The following SORCS1 variants were observed in gnomAD, a reference collection of about 807,000 sequenced individuals.
SORCS1 encodes sortilin related VPS10 domain containing receptor 1, also known as VPS10 domain-containing receptor SorCS1.
SORCS1 carries 60 observed loss-of-function variants against 146.1 expected under a neutral mutation model. The observed-to-expected ratio is 0.41, with a 90% confidence interval of 0.33 to 0.51. The LOEUF (loss-of-function observed/expected upper bound fraction) is 0.51, where lower values mean the gene tolerates loss of function less well. Among genes scored for constraint, SORCS1 ranks in the 20% least tolerant of loss-of-function variants. The pLI is 0.21. For missense variants in SORCS1, 1,352 were observed against 1,487.6 expected (o/e 0.91, Z 1.50); for synonymous variants, 637 against 584.0 (o/e 1.09, Z -1.31).
chr10:107,158,560 C>T (rs571061002), intron 1 of SORCS1, among the ~76,000 whole-genome samples: 3 of 152,336 alleles, frequency 2.0e-5, no homozygotes, highest in Non-Finnish European at 4.4e-5. Flanking sequence ...CCCCTGACTT[C>T]CTACAGCATG....
At chr10:106,866,149 C>T (rs1387621318) in intron 2 of SORCS1, among the ~76,000 whole-genome samples, 1 of 152,102 alleles carries the variant, frequency 6.6e-6, no homozygotes, top group East Asian at 1.9e-4. Flanking sequence ...CTGGACAGAG[C>T]CCCCAGGGGT....
At chr10:107,162,929 C>T (rs1969816333) in intron 1 of SORCS1, among the ~76,000 whole-genome samples, 1 of 152,186 alleles carries the variant, frequency 6.6e-6, no homozygotes, top group African/African-American at 2.4e-5. Flanking sequence ...TTGTTATGTT[C>T]TTGTCTATGT....
chr10:106,637,615 C>T (rs1322956959), intron 18 of SORCS1, among the ~76,000 whole-genome samples: 1 of 152,176 alleles, frequency 6.6e-6, no homozygotes, highest in Non-Finnish European at 1.5e-5. Flanking sequence ...GAAGGTTTTA[C>T]AATTTTTCTA....
intron 1 of SORCS1, among the ~76,000 whole-genome samples, chr10:107,111,764 C>T (rs1422539638): frequency 6.6e-6 from 1 of 152,038 alleles, no homozygotes; most frequent in Non-Finnish European, 1.5e-5. Flanking sequence ...AGAAGAAACT[C>T]CAGGACACAT....
chr10:106,926,858 CACACACACAGAGAGAGAG>C (rs1439886247), intron 2 of SORCS1, among the ~76,000 whole-genome samples: 1 of 103,334 alleles, frequency 9.7e-6, no homozygotes, highest in Admixed American at 9.1e-5. Context: ...CACACACACA[CACACACACAGAGAGAGAG>C]AGAGAGAGAG....
At chr10:107,106,973 C>T (rs907483219) in intron 1 of SORCS1, among the ~76,000 whole-genome samples, 1 of 152,200 alleles carries the variant, frequency 6.6e-6, no homozygotes, top group Non-Finnish European at 1.5e-5. Context: ...GGCTCAAGGT[C>T]CCAGCCTCCA....
intron 3 of SORCS1, among the ~76,000 whole-genome samples, chr10:106,777,424 C>T (rs1311533229): frequency 1.3e-5 from 2 of 152,158 alleles, no homozygotes; most frequent in Non-Finnish European, 2.9e-5. Context: ...ATGCATGGTA[C>T]ACTGATAAAT....
rs74771184 is a variant in SORCS1, at chr10:106,926,886, G to A, written c.626+29627C>T. Among the ~76,000 whole-genome samples the A allele has an allele frequency of 1.3e-3, 159 of 118,534 alleles. No individual in the cohort carries two copies. In the South Asian group the frequency reaches 0.017, roughly 12 times the overall value. 77.8% of individuals were successfully genotyped at this position (118,534 alleles called of 152,430 possible). On this transcript the variant is annotated intron_variant, in intron 2 of 25. Transcript: ENST00000263054. Reference sequence around the variant, plus strand: ...ACACACAGAGAGAGAGAGAGAGAGAGAGAGAGAGAGAGAATGACAAATGTC... The same window carrying A: ...ACACACAGAGAGAGAGAGAGAGAGAAAGAGAGAGAGAGAATGACAAATGTC...
rs142341180 is a variant in SORCS1 at position 106,932,750 on chromosome 10, C to T, written c.626+23763G>A. On this transcript the variant is annotated intron_variant, in intron 2 of 25. Transcript: ENST00000263054. ...GCACCTTCAAGGTGAGCACTCCCCT[C>T]GCAGCAATGGTAAATTTTAGCTGGT... Among the ~76,000 whole-genome samples, 25 of 152,300 alleles carry T rather than the reference C, an allele frequency of 1.6e-4. No individual in the cohort carries two copies. The East Asian group carries it at 4.6e-3, about 28-fold the overall frequency.
intron 1 of SORCS1, among the ~76,000 whole-genome samples, chr10:107,137,285 T>C (rs188319333): frequency 9.2e-5 from 14 of 152,302 alleles, no homozygotes; most frequent in Admixed American, 2.0e-4. Context: ...CTGATCCTAC[T>C]GGGTCCCAGT....
chr10:106,928,881 A>G (rs1303890560), intron 2 of SORCS1, among the ~76,000 whole-genome samples: 1 of 148,806 alleles, frequency 6.7e-6, no homozygotes, highest in East Asian at 2.0e-4. Context: ...AACTTTCTGT[A>G]TTTTTCCATT....
At chr10:107,033,185 C>G (rs1053641954) in intron 1 of SORCS1, among the ~76,000 whole-genome samples, 3 of 152,064 alleles carry the variant, frequency 2.0e-5, no homozygotes, top group Non-Finnish European at 4.4e-5. Context: ...AGAGAATGTG[C>G]GCAGAAGGGA....
rs775990100 is a variant in SORCS1 at position 106,671,303 on chromosome 10, A to G, written c.2123T>C (p.Met708Thr). ...CATAGCTCCTGCATATTTTCCTTGC[A>G]TACACTTCCGCTCTGATTTTCGCTT... ...YKKRKSERKC[M>T]QGKYAGAMES... Residue 708 changes from methionine to threonine, a missense_variant, in exon 16 of 26, where the codon ATG becomes ACG. By Grantham distance (81) the Met-to-Thr change is moderately conservative (BLOSUM62 -1). Around this residue, in one of 3 missense-constraint regions of SORCS1, gnomAD observed 648 missense variants for 793.8 expected, o/e 0.82. Transcript: ENST00000263054. 6 of 1,614,112 alleles carry G rather than the reference A, an allele frequency of 3.7e-6. No homozygotes were observed. The highest frequency in any genetic ancestry group is 2.2e-5 in the East Asian group (1 of 44,864).
At chr10:107,102,079 C>G (rs1964963093) in intron 1 of SORCS1, among the ~76,000 whole-genome samples, 2 of 152,170 alleles carry the variant, frequency 1.3e-5, no homozygotes, top group African/African-American at 4.8e-5. Context: ...CGATTTCTAT[C>G]TTGGTCATCA....
intron 5 of SORCS1, among the ~76,000 whole-genome samples, chr10:106,748,408 T>A (rs896316551): frequency 6.6e-6 from 1 of 152,170 alleles, no homozygotes; most frequent in Non-Finnish European, 1.5e-5. Flanking sequence ...GACTGCAAAC[T>A]TAATTGATGC....
intron 1 of SORCS1, among the ~76,000 whole-genome samples, chr10:107,092,897 A>AC (rs1342828705): frequency 1.2e-3 from 187 of 151,748 alleles, no homozygotes; most frequent in African/African-American, 4.2e-3. Context: ...AAAAAAAAAA[A>AC]AAAAAAAAAC....
chr10:107,031,199 C>T (rs59696195), intron 1 of SORCS1, among the ~76,000 whole-genome samples: 9,965 of 152,190 alleles, frequency 0.065, 1,045 homozygotes, highest in African/African-American at 0.22. Flanking sequence ...TTTTTTCTAA[C>T]CCCTGGACCA....
At chr10:106,970,799 C>A (rs1018029205) in intron 1 of SORCS1, among the ~76,000 whole-genome samples, 1 of 151,884 alleles carries the variant, frequency 6.6e-6, no homozygotes, top group African/African-American at 2.4e-5. Context: ...AGTGCAATGG[C>A]GTGACCCCAG....
intron 1 of SORCS1, among the ~76,000 whole-genome samples, chr10:107,072,610 T>C (rs1170425132): frequency 6.6e-6 from 1 of 151,542 alleles, no homozygotes; most frequent in Non-Finnish European, 1.5e-5. Flanking sequence ...TACATACACA[T>C]ATATATATAC....
Sources: gnomAD v4.1 joint callset for allele counts (sites outside exome capture counted in the v4.1 genomes callset) on GRCh38, gnomAD v4.1.1 for gene constraint, gnomAD v4.1.1 regional missense constraint, MANE v1.5 for transcripts, NCBI Gene and HGNC (gene_info 2026-07-23, HGNC 2026-07-21) for gene names.